The following ZFHX3 variants were observed in gnomAD, a reference collection of about 807,000 sequenced individuals.
The protein encoded by ZFHX3 is zinc finger homeobox protein 3.
In ZFHX3, 42 loss-of-function variants were observed where a neutral mutation model predicts 279.1. The observed-to-expected ratio is 0.15, with a 90% CI of 0.12 to 0.19. The LOEUF (loss-of-function observed/expected upper bound fraction) is 0.19. Ranked by LOEUF, ZFHX3 falls within the 10% of genes least tolerant of loss-of-function variation. The probability of loss-of-function intolerance (pLI) is 1.00; values close to 1 mark genes in which losing one functional copy is unlikely to be tolerated. For missense variants in ZFHX3, 4,981 were observed against 4,754.0 expected (o/e 1.05, Z -1.40); for synonymous variants, 2,293 against 1,957.8 (o/e 1.17, Z -4.52).
At chr16:72,894,762 G>A (rs1419920552) in intron 3 of ZFHX3, among the ~76,000 whole-genome samples, 8 of 152,210 alleles carry the variant, frequency 5.3e-5, no homozygotes, top group Non-Finnish European at 1.0e-4. Flanking sequence ...CAAGAAAGGA[G>A]CTGCCTGCTT....
intron 5 of ZFHX3, among the ~76,000 whole-genome samples, chr16:73,154,956 T>G (rs1967037672): frequency 6.6e-6 from 1 of 152,096 alleles, no homozygotes; most frequent in Admixed American, 6.5e-5. Context: ...GGAGGATCAC[T>G]TGAGCCCAGG....
Position 73,603,573 on chromosome 16 carries a change from C to T in ZFHX3, c.-1547+76607G>A, listed in dbSNP as rs532041632. Among the ~76,000 whole-genome samples, 151 of 152,040 alleles carry T rather than the reference C, an allele frequency of 9.9e-4. 1 individual carries two copies. The highest frequency in any genetic ancestry group is 3.9e-3 in the South Asian group (19 of 4,816). The stretch of plus-strand genomic sequence containing the variant: ...TAAGTACCTGAAAACTTTCTAAGAA[C>T]CTTGAAACCAGTAATCCCACCTCCA... On this transcript the variant is annotated intron_variant, in intron 2 of 17. Transcript: ENST00000641206.
intron 4 of ZFHX3, among the ~76,000 whole-genome samples, chr16:73,304,077 G>C (rs1414460644): frequency 6.6e-6 from 1 of 151,798 alleles, no homozygotes; most frequent in African/African-American, 2.4e-5. Context: ...ACTGATTCTG[G>C]AAGAGAGGAA....
intron 4 of ZFHX3, among the ~76,000 whole-genome samples, chr16:72,835,376 A>G (rs1396464601): frequency 6.6e-6 from 1 of 152,082 alleles, no homozygotes; most frequent in Admixed American, 6.6e-5. Flanking sequence ...TAACCCAGAA[A>G]AATGTATTGA....
Position 73,002,354 on chromosome 16 carries a change from T to G in ZFHX3, c.-49-42160A>C, listed in dbSNP as rs140584825. ...TCCCCTGGCACTTGGCAGCTTCTCCTATACCTGCCCCCTAAGTCCTTCCAC... is the reference window on the plus strand; with the variant it reads ...TCCCCTGGCACTTGGCAGCTTCTCCGATACCTGCCCCCTAAGTCCTTCCAC... On this transcript the variant is annotated intron_variant, in intron 1 of 9. Coordinates refer to ENST00000268489, the MANE Select transcript of ZFHX3 (RefSeq NM_006885.4). Among the ~76,000 whole-genome samples the G allele has an allele frequency of 7.6e-4, 115 of 152,272 alleles. No individual in the cohort carries two copies. The Middle Eastern group carries it at 0.014, about 18-fold the overall frequency.
At chr16:73,665,338 C>T (rs762402376) in intron 2 of ZFHX3, among the ~76,000 whole-genome samples, 10 of 152,066 alleles carry the variant, frequency 6.6e-5, no homozygotes, top group East Asian at 3.9e-4. Context: ...CTCAGCCTCC[C>T]GAGTAGCTGG....
At chr16:73,768,441 C>T (rs1243101552) in intron 1 of ZFHX3, among the ~76,000 whole-genome samples, 1 of 152,112 alleles carries the variant, frequency 6.6e-6, no homozygotes, top group African/African-American at 2.4e-5. Flanking sequence ...TGAGCCCAAC[C>T]CCTATGATAG....
intron 1 of ZFHX3, among the ~76,000 whole-genome samples, chr16:73,010,394 G>GC (rs1389238783): frequency 6.6e-6 from 1 of 151,892 alleles, no homozygotes; most frequent in Admixed American, 6.6e-5. Flanking sequence ...CTGGCCTTTG[G>GC]CCCATTCCCT....
chr16:73,542,309 T>C (rs895865692), intron 2 of ZFHX3, among the ~76,000 whole-genome samples: 13 of 152,148 alleles, frequency 8.5e-5, no homozygotes, highest in Non-Finnish European at 1.8e-4. Context: ...TGGGCTGAGA[T>C]GTTTGAATGA....
chr16:73,785,579 C>T (rs1007718188), intron 1 of ZFHX3, among the ~76,000 whole-genome samples: 2 of 152,168 alleles, frequency 1.3e-5, no homozygotes, highest in African/African-American at 4.8e-5. Flanking sequence ...CCTGAATACT[C>T]ATGAGTTCTT....
chr16:73,586,554 C>CT (rs2051929253), intron 2 of ZFHX3, among the ~76,000 whole-genome samples: 1 of 150,922 alleles, frequency 6.6e-6, no homozygotes, highest in Non-Finnish European at 1.5e-5. Flanking sequence ...TAAAAATGTA[C>CT]TATAAGTATC....
At chr16:73,097,693 T>C (rs11075962) in intron 7 of ZFHX3, among the ~76,000 whole-genome samples, 97,555 of 151,554 alleles carry the variant, frequency 0.64, 32,140 homozygotes, top group African/African-American at 0.79. Context: ...AACGTAAACT[T>C]TTTACCCATT....
chr16:73,491,913 A>C (rs936104542), intron 2 of ZFHX3, among the ~76,000 whole-genome samples: 9 of 152,160 alleles, frequency 5.9e-5, no homozygotes, highest in African/African-American at 2.2e-4. Flanking sequence ...TGAAGCTAAG[A>C]AACTCTGGTC....
rs555505780 is a variant in ZFHX3, at chr16:73,771,365, T to G, written c.-1607-91125A>C. Among the ~76,000 whole-genome samples the G allele has an allele frequency of 1.3e-3, 205 of 152,220 alleles. 1 individual carries two copies. Among genetic ancestry groups the G allele is most frequent in the South Asian group, 0.011 (52 of 4,814 alleles). On this transcript the variant is annotated intron_variant, in intron 1 of 17. Transcript: ENST00000641206. The stretch of plus-strand genomic sequence containing the variant: ...TGGCACCCTGGTCCCTGACTCAGCC[T>G]AACTCCCACAGCAGAGCTGGTCAGA...
intron 8 of ZFHX3, among the ~76,000 whole-genome samples, chr16:73,082,083 C>T (rs934215261): frequency 6.6e-5 from 10 of 151,952 alleles, no homozygotes; most frequent in Admixed American, 3.3e-4. Context: ...GTGATCCACC[C>T]GCCTCAGTCT....
chr16:73,807,619 A>ATTT (rs1960314019), intron 1 of ZFHX3, among the ~76,000 whole-genome samples: 1 of 93,702 alleles, frequency 1.1e-5, no homozygotes, highest in African/African-American at 5.9e-5. Context: ...ACCATGCCCC[A>ATTT]ATTTTTTTTT....
At chr16:73,073,515 T>C (rs1296455766) in intron 8 of ZFHX3, among the ~76,000 whole-genome samples, 2 of 152,220 alleles carry the variant, frequency 1.3e-5, no homozygotes, top group Non-Finnish European at 2.9e-5. Context: ...GTTTTGTTTT[T>C]TGAGACAGAG....
chr16:73,367,596 A>C (rs2016551922), intron 3 of ZFHX3, among the ~76,000 whole-genome samples: 1 of 152,154 alleles, frequency 6.6e-6, no homozygotes, highest in Non-Finnish European at 1.5e-5. Flanking sequence ...TCAAAGAACA[A>C]GAAAATCATG....
intron 2 of ZFHX3, among the ~76,000 whole-genome samples, chr16:73,477,715 C>T (rs1034581750): frequency 6.6e-6 from 1 of 152,186 alleles, no homozygotes; most frequent in Non-Finnish European, 1.5e-5. Flanking sequence ...CCTGGCTGAT[C>T]TCACGTGCTT....
Sources: allele counts gnomAD v4.1 joint callset (sites outside exome capture counted in the v4.1 genomes callset), GRCh38; gene constraint gnomAD v4.1.1; transcripts MANE v1.5; gene names NCBI Gene and HGNC (gene_info 2026-07-23, HGNC 2026-07-21).